CNTNAP5: variants seen among roughly 807,000 people sequenced by gnomAD.
CNTNAP5 encodes contactin-associated protein-like 5.
A neutral mutation model predicts 150.2 loss-of-function variants in CNTNAP5; 72 were observed. The ratio of observed to expected loss-of-function variants is 0.48; its 90% CI spans 0.40 to 0.58. The LOEUF is 0.58. Ranked by LOEUF, CNTNAP5 falls within the 20% of genes least tolerant of loss-of-function variation. The pLI is 0.00. For synonymous variants in CNTNAP5, 672 were observed against 619.8 expected (o/e 1.08, Z -1.25); for missense variants, 1,636 against 1,626.2 (o/e 1.01, Z -0.10).
chr2:124,162,618 C>T (rs946617752), intron 1 of CNTNAP5, among the ~76,000 whole-genome samples: 1 of 151,986 alleles, frequency 6.6e-6, no homozygotes, highest in Admixed American at 6.6e-5. Flanking sequence ...GTCCTACCCC[C>T]ACATGTAGTG....
At chr2:124,877,184 T>C (rs1471813783) in intron 21 of CNTNAP5, among the ~76,000 whole-genome samples, 1 of 152,156 alleles carries the variant, frequency 6.6e-6, no homozygotes, top group East Asian at 1.9e-4. Flanking sequence ...CACCTCATGA[T>C]AGCAGTGCCA....
intron 10 of CNTNAP5, among the ~76,000 whole-genome samples, chr2:124,555,500 T>C (rs1695732292): frequency 6.6e-6 from 1 of 152,214 alleles, no homozygotes; most frequent in Admixed American, 6.5e-5. Context: ...GAATTTTCCA[T>C]TTGCTTAATA....
intron 11 of CNTNAP5, among the ~76,000 whole-genome samples, chr2:124,584,282 C>T (rs538805665): frequency 1.3e-5 from 2 of 152,268 alleles, no homozygotes; most frequent in Admixed American, 6.5e-5. Flanking sequence ...TAGCCCAGAG[C>T]TTTCTGCCTC....
intron 1 of CNTNAP5, among the ~76,000 whole-genome samples, chr2:124,152,458 G>A (rs908213619): frequency 3.3e-5 from 5 of 152,150 alleles, no homozygotes; most frequent in Admixed American, 2.6e-4. Context: ...AGCTGGAGTC[G>A]CAGATCTCCC....
chr2:124,900,093 ACTT>A (rs1212255681), intron 21 of CNTNAP5, among the ~76,000 whole-genome samples: 1 of 151,322 alleles, frequency 6.6e-6, no homozygotes, highest in Non-Finnish European at 1.5e-5. Flanking sequence ...ACATCTTTGA[ACTT>A]CTTCGAGTCC....
intron 13 of CNTNAP5, among the ~76,000 whole-genome samples, chr2:124,688,261 G>C (rs1679232713): frequency 6.6e-6 from 1 of 151,974 alleles, no homozygotes; most frequent in African/African-American, 2.4e-5. Flanking sequence ...GGAAATGCTG[G>C]AATAAAGTTT....
At chr2:124,651,238 G>A (rs1410179786) in intron 13 of CNTNAP5, among the ~76,000 whole-genome samples, 6 of 152,160 alleles carry the variant, frequency 3.9e-5, no homozygotes, top group East Asian at 3.8e-4. Context: ...GTGAGTAGAC[G>A]TTATGAAAAA....
chr2:124,084,388 C>T (rs973230412), intron 1 of CNTNAP5, among the ~76,000 whole-genome samples: 3 of 151,750 alleles, frequency 2.0e-5, no homozygotes, highest in East Asian at 1.9e-4. Flanking sequence ...TGCCTCAGTC[C>T]CCCAAGTAGC....
At chr2:124,056,821 C>T (rs1227811881) in intron 1 of CNTNAP5, among the ~76,000 whole-genome samples, 1 of 152,148 alleles carries the variant, frequency 6.6e-6, no homozygotes, top group African/African-American at 2.4e-5. Flanking sequence ...TGGGCCAGTC[C>T]ACTTTTCTTG....
chr2:124,444,361 G>A (rs904138836), intron 5 of CNTNAP5, among the ~76,000 whole-genome samples: 3 of 152,072 alleles, frequency 2.0e-5, no homozygotes, highest in Admixed American at 6.6e-5. Context: ...TTGGGAAGTC[G>A]GGGCAGCAGA....
At chr2:124,403,756 C>G (rs182886390) in intron 3 of CNTNAP5, among the ~76,000 whole-genome samples, 1 of 152,070 alleles carries the variant, frequency 6.6e-6, no homozygotes, top group Non-Finnish European at 1.5e-5. Flanking sequence ...AAGACATACC[C>G]GAGACTGGGT....
At position 124,790,326 on chromosome 2, in the gene CNTNAP5, T is replaced by C. The variant is rs148845724; in HGVS notation, c.2992+185T>C. Among the ~76,000 whole-genome samples the C allele has an allele frequency of 7.6e-4, 116 of 152,324 alleles. No homozygotes were observed. In the East Asian group the frequency reaches 0.018, roughly 23 times the overall value. ...TGGTATTACATGTGTTCACTGGCAA[T>C]GTAACTGAACTGGATGGATAATTAC... On this transcript the variant is annotated intron_variant, in intron 18 of 23. Coordinates refer to ENST00000682447, the MANE Select transcript of CNTNAP5 (RefSeq NM_001367498.1).
intron 3 of CNTNAP5, among the ~76,000 whole-genome samples, chr2:124,345,722 A>T (rs1389651033): frequency 6.6e-6 from 1 of 152,304 alleles, no homozygotes; most frequent in East Asian, 1.9e-4. Flanking sequence ...ATAAGGACAG[A>T]GTTGAAGTGA....
At chr2:124,228,872 C>T (rs1410836048) in intron 2 of CNTNAP5, among the ~76,000 whole-genome samples, 1 of 152,124 alleles carries the variant, frequency 6.6e-6, no homozygotes, top group Non-Finnish European at 1.5e-5. Flanking sequence ...ACCTTCAGAG[C>T]ATCAAATCCC....
At chr2:124,492,933 T>C (rs934147736) in intron 7 of CNTNAP5, among the ~76,000 whole-genome samples, 1 of 152,110 alleles carries the variant, frequency 6.6e-6, no homozygotes, top group African/African-American at 2.4e-5. Context: ...ATTTACTTCT[T>C]TCTGATTTGG....
intron 7 of CNTNAP5, among the ~76,000 whole-genome samples, chr2:124,489,087 G>A (rs115392337): frequency 6.6e-6 from 1 of 152,152 alleles, no homozygotes; most frequent in Non-Finnish European, 1.5e-5. Flanking sequence ...GTTCTTTCTG[G>A]TGCTTTCCAT....
intron 19 of CNTNAP5, among the ~76,000 whole-genome samples, chr2:124,840,707 AC>A (rs1558796372): frequency 2.0e-5 from 3 of 152,116 alleles, no homozygotes; most frequent in African/African-American, 7.2e-5. Context: ...GTGAAAACAG[AC>A]CAAAGTTATT....
chr2:124,716,027 G>A (rs1239531866), intron 13 of CNTNAP5, among the ~76,000 whole-genome samples: 1 of 152,084 alleles, frequency 6.6e-6, no homozygotes, highest in Non-Finnish European at 1.5e-5. Flanking sequence ...TCAGAATACA[G>A]GTGAAGCTTC....
intron 10 of CNTNAP5, among the ~76,000 whole-genome samples, chr2:124,553,703 G>T (rs1695684906): frequency 6.6e-6 from 1 of 152,124 alleles, no homozygotes; most frequent in African/African-American, 2.4e-5. Flanking sequence ...GGGAATTTGG[G>T]TGAACAACTT....
Sources: allele counts gnomAD v4.1 joint callset (sites outside exome capture counted in the v4.1 genomes callset), GRCh38; gene constraint gnomAD v4.1.1; transcripts MANE v1.5; gene names NCBI Gene and HGNC (gene_info 2026-07-23, HGNC 2026-07-21).